FSTL5: variants seen among roughly 807,000 people sequenced by gnomAD.
The protein encoded by FSTL5 is follistatin like 5.
In FSTL5, 62 loss-of-function variants were observed where a neutral mutation model predicts 89.1. The ratio of observed to expected loss-of-function variants is 0.70; its 90% CI spans 0.57 to 0.86. FSTL5 has a LOEUF of 0.86. FSTL5 is among the 40% of genes least tolerant of loss of function. The pLI, the probability that FSTL5 is intolerant of heterozygous loss-of-function variation, is 0.00. For missense variants in FSTL5, 1,057 were observed against 1,001.6 expected (o/e 1.06, Z -0.75); for synonymous variants, 383 against 346.2 (o/e 1.11, Z -1.18).
At chr4:162,127,458 T>G (rs1303370506) in intron 1 of FSTL5, among the ~76,000 whole-genome samples, 1 of 152,332 alleles carries the variant, frequency 6.6e-6, no homozygotes, top group East Asian at 1.9e-4. Context: ...AACTATTTAT[T>G]GGGTAGAGCC....
chr4:161,454,974 A>G (rs1733297274), intron 15 of FSTL5, 30 bp downstream of exon 15: 2 of 1,602,306 alleles, frequency 1.2e-6, no homozygotes, highest in Non-Finnish European at 8.5e-7. Flanking sequence ...ACAAATCTTT[A>G]AAAAGTTGAT....
chr4:161,526,964 T>G (rs927473295), intron 10 of FSTL5, among the ~76,000 whole-genome samples: 6 of 152,194 alleles, frequency 3.9e-5, no homozygotes, highest in Admixed American at 2.6e-4. Context: ...TTTAGTTTTT[T>G]CCAATTCTGT....
intron 8 of FSTL5, among the ~76,000 whole-genome samples, chr4:161,569,645 A>C (rs1207888537): frequency 6.6e-6 from 1 of 152,092 alleles, no homozygotes; most frequent in Non-Finnish European, 1.5e-5. Flanking sequence ...AATGAAAGGA[A>C]AATAGAGGAA....
intron 4 of FSTL5, among the ~76,000 whole-genome samples, chr4:161,884,019 A>G (rs1732719729): frequency 6.6e-6 from 1 of 151,396 alleles, no homozygotes; most frequent in Non-Finnish European, 1.5e-5. Context: ...ATTCTTTTGA[A>G]TTTATGATTT....
chr4:161,482,571 TTCA>T (rs1729552974), intron 12 of FSTL5, among the ~76,000 whole-genome samples: 1 of 152,156 alleles, frequency 6.6e-6, no homozygotes, highest in African/African-American at 2.4e-5. Context: ...CAACCACACT[TTCA>T]TCATCACTAT....
intron 4 of FSTL5, among the ~76,000 whole-genome samples, chr4:161,837,449 T>A (rs931298506): frequency 3.5e-4 from 53 of 152,224 alleles, no homozygotes; most frequent in African/African-American, 1.2e-3. Flanking sequence ...GGTAAATAAA[T>A]AGGATGCCAT....
At chr4:161,531,643 G>A (rs1731414637) in intron 10 of FSTL5, among the ~76,000 whole-genome samples, 2 of 152,046 alleles carry the variant, frequency 1.3e-5, no homozygotes, top group Non-Finnish European at 2.9e-5. Flanking sequence ...TCTAGAAAAA[G>A]ATTTTGAAAT....
At chr4:161,713,153 T>C (rs1030952374) in intron 6 of FSTL5, among the ~76,000 whole-genome samples, 1 of 152,188 alleles carries the variant, frequency 6.6e-6, no homozygotes, top group Non-Finnish European at 1.5e-5. Flanking sequence ...TAAACAACTT[T>C]GTGATTTAAA....
chr4:162,054,923 C>T (rs1738490237), intron 2 of FSTL5, among the ~76,000 whole-genome samples: 1 of 151,860 alleles, frequency 6.6e-6, no homozygotes, highest in Non-Finnish European at 1.5e-5. Flanking sequence ...CATAAGAAAT[C>T]ATTTTTTCCT....
At chr4:162,048,193 G>A (rs1046570096) in intron 2 of FSTL5, among the ~76,000 whole-genome samples, 6 of 151,200 alleles carry the variant, frequency 4.0e-5, no homozygotes, top group African/African-American at 1.5e-4. Context: ...TGGGTGTGGT[G>A]GCACGTGCTT....
At chr4:161,728,067 G>T (rs954363667) in intron 6 of FSTL5, among the ~76,000 whole-genome samples, 2 of 152,122 alleles carry the variant, frequency 1.3e-5, no homozygotes, top group African/African-American at 4.8e-5. Flanking sequence ...GGGTAAGAAA[G>T]AAAAACAAAG....
chr4:161,945,951 T>C (rs1023988114), intron 3 of FSTL5, among the ~76,000 whole-genome samples: 1 of 152,154 alleles, frequency 6.6e-6, no homozygotes, highest in Admixed American at 6.6e-5. Context: ...ACTTTCTTAT[T>C]ATAATTATAA....
intron 12 of FSTL5, among the ~76,000 whole-genome samples, chr4:161,491,322 T>C (rs1018076145): frequency 1.3e-5 from 2 of 152,046 alleles, no homozygotes; most frequent in Non-Finnish European, 2.9e-5. Flanking sequence ...AAGGGAGCTA[T>C]CGGCTATTAG....
chr4:161,415,904 G>A (rs1465775456), intron 15 of FSTL5, among the ~76,000 whole-genome samples: 1 of 150,684 alleles, frequency 6.6e-6, no homozygotes, highest in African/African-American at 2.4e-5. Context: ...TGTCTACAAC[G>A]GGTAAGTGAG....
intron 4 of FSTL5, among the ~76,000 whole-genome samples, chr4:161,798,712 T>C (rs1288425698): frequency 6.6e-6 from 1 of 151,580 alleles, no homozygotes; most frequent in Non-Finnish European, 1.5e-5. Context: ...TCCAACAATA[T>C]AATCTGGTGA....
At chr4:161,676,747 G>GCACACACACA (rs148353944) in intron 6 of FSTL5, among the ~76,000 whole-genome samples, 5 of 143,268 alleles carry the variant, frequency 3.5e-5, no homozygotes, top group African/African-American at 7.5e-5. Flanking sequence ...ATACATACAC[G>GCACACACACA]CACACACACA....
At chr4:161,976,384 C>G (rs1735646939) in intron 3 of FSTL5, among the ~76,000 whole-genome samples, 1 of 151,998 alleles carries the variant, frequency 6.6e-6, no homozygotes, top group Non-Finnish European at 1.5e-5. Context: ...ATATTTTCTC[C>G]CAATTCATCA....
chr4:161,654,475 G>A (rs997179220), intron 7 of FSTL5, among the ~76,000 whole-genome samples: 4 of 152,078 alleles, frequency 2.6e-5, no homozygotes, highest in African/African-American at 9.7e-5. Flanking sequence ...CCTGAGATAT[G>A]TGCTCAATGT....
intron 12 of FSTL5, among the ~76,000 whole-genome samples, chr4:161,499,521 G>T (rs1730222464): frequency 6.6e-6 from 1 of 152,094 alleles, no homozygotes; most frequent in East Asian, 1.9e-4. Flanking sequence ...ATGAGGATTT[G>T]AAAAAATTTG....
Sources: allele counts gnomAD v4.1 joint callset (sites outside exome capture counted in the v4.1 genomes callset), GRCh38; gene constraint gnomAD v4.1.1; transcripts MANE v1.5; gene names NCBI Gene and HGNC (gene_info 2026-07-23, HGNC 2026-07-21).